Variants in NRXN1 observed in about 807,000 individuals in gnomAD.
NRXN1 encodes the protein neurexin 1, also known as neurexin-1.
NRXN1 carries 39 observed loss-of-function variants against 150.9 expected under a neutral mutation model. The ratio of observed to expected loss-of-function variants is 0.26; its 90% CI spans 0.20 to 0.34. The LOEUF (loss-of-function observed/expected upper bound fraction) is 0.34, where lower values mean the gene tolerates loss of function less well. NRXN1 is among the 10% of genes least tolerant of loss of function. The pLI, the probability that NRXN1 is intolerant of heterozygous loss-of-function variation, is 1.00. For missense variants in NRXN1, 1,815 were observed against 1,949.9 expected (o/e 0.93, Z 1.30); for synonymous variants, 924 against 757.0 (o/e 1.22, Z -3.62).
At chr2:50,169,461 T>C (rs2059889839) in intron 18 of NRXN1, among the ~76,000 whole-genome samples, 2 of 152,002 alleles carry the variant, frequency 1.3e-5, no homozygotes, top group Non-Finnish European at 1.5e-5. Flanking sequence ...ATGCTAGTAA[T>C]CCCAGCACTT....
chr2:50,226,684 C>T (rs140615265), intron 18 of NRXN1, among the ~76,000 whole-genome samples: 1 of 152,022 alleles, frequency 6.6e-6, no homozygotes, highest in African/African-American at 2.4e-5. Context: ...TTGCAGTAGA[C>T]CACTGGTTCT....
intron 22 of NRXN1, among the ~76,000 whole-genome samples, chr2:49,932,283 T>C (rs539317609): frequency 2.6e-5 from 4 of 152,132 alleles, no homozygotes; most frequent in African/African-American, 9.6e-5. Context: ...TAGCCTGGCA[T>C]GGTGGCGCAT....
At chr2:49,949,927 G>A (rs1673625083) in intron 21 of NRXN1, among the ~76,000 whole-genome samples, 1 of 151,532 alleles carries the variant, frequency 6.6e-6, no homozygotes, top group Non-Finnish European at 1.5e-5. Flanking sequence ...TCTCAAGTGT[G>A]GTTTTCATGA....
intron 22 of NRXN1, among the ~76,000 whole-genome samples, chr2:49,942,151 T>A (rs1260117096): frequency 6.6e-6 from 1 of 152,088 alleles, no homozygotes; most frequent in Non-Finnish European, 1.5e-5. Flanking sequence ...GAGAATGGAA[T>A]GGATGATCGT....
chr2:50,989,992 A>AG (rs1698306025), intron 2 of NRXN1, among the ~76,000 whole-genome samples: 1 of 151,878 alleles, frequency 6.6e-6, no homozygotes, highest in Middle Eastern at 3.2e-3. Flanking sequence ...TGATATTGTC[A>AG]TTTTTTTAAA....
At chr2:50,028,285 C>G (rs879094669) in intron 21 of NRXN1, among the ~76,000 whole-genome samples, 2 of 152,126 alleles carry the variant, frequency 1.3e-5, no homozygotes, top group Admixed American at 1.3e-4. Context: ...ATTGGGTGCA[C>G]ATTTCTTCTT....
At chr2:50,696,667 A>G (rs1023132166) in intron 5 of NRXN1, among the ~76,000 whole-genome samples, 6 of 152,164 alleles carry the variant, frequency 3.9e-5, no homozygotes, top group African/African-American at 1.4e-4. Flanking sequence ...CAGCAAGCAC[A>G]CCCATTAAAA....
In NRXN1 at chr2:50,053,513, G is replaced by T; in HGVS notation, c.3886C>A (p.Gln1296Lys). Reference protein sequence around the residue: ...GKEQGQPFQGQLSGLYYNGLK... With the variant: ...GKEQGQPFQGKLSGLYYNGLK... The stretch of plus-strand genomic sequence containing the variant: ...CCATTGTAGTACAGCCCAGAGAGCT[G>T]GCCCTGGAAGGGCTGGCCCTGCTCT... The change falls in exon 21 of 23, where the codon CAG becomes AAG. Residue 1296 changes from glutamine (Q) to lysine (K), a missense_variant. By Grantham distance (53) the Gln-to-Lys change is moderately conservative. Transcript: ENST00000401669. 6.2e-7 allele frequency: 1 copy of T among 1,614,064 alleles called. No individual in the cohort carries two copies. The highest frequency in any genetic ancestry group is 8.5e-7 in the Non-Finnish European group (1 of 1,179,950).
intron 5 of NRXN1, among the ~76,000 whole-genome samples, chr2:50,780,911 C>T (rs1473815360): frequency 1.3e-5 from 2 of 152,164 alleles, no homozygotes; most frequent in African/African-American, 4.8e-5. Context: ...TACACTAGGA[C>T]ACATTCTTAG....
intron 17 of NRXN1, among the ~76,000 whole-genome samples, chr2:50,382,708 TG>T (rs2103691091): frequency 6.6e-6 from 1 of 152,314 alleles, no homozygotes; most frequent in South Asian, 2.1e-4. Context: ...ACGTATCATC[TG>T]AAGTTCCCCA....
intron 18 of NRXN1, among the ~76,000 whole-genome samples, chr2:50,224,308 T>C (rs2064152248): frequency 1.3e-5 from 2 of 152,114 alleles, no homozygotes; most frequent in Non-Finnish European, 2.9e-5. Flanking sequence ...TTTTGGTCAA[T>C]TTATTTATAA....
At chr2:50,550,125 C>T (rs1667221858) in intron 9 of NRXN1, among the ~76,000 whole-genome samples, 1 of 152,036 alleles carries the variant, frequency 6.6e-6, no homozygotes, top group East Asian at 1.9e-4. Flanking sequence ...TAGAAAATTC[C>T]TCATTTCTAA....
At chr2:50,225,155 G>A (rs1170941593) in intron 18 of NRXN1, among the ~76,000 whole-genome samples, 1 of 151,964 alleles carries the variant, frequency 6.6e-6, no homozygotes, top group East Asian at 1.9e-4. Context: ...GTGCTTTCAC[G>A]ATTATCCTTT....
chr2:50,443,000 C>T (rs1572988998), intron 17 of NRXN1, among the ~76,000 whole-genome samples: 1 of 152,082 alleles, frequency 6.6e-6, no homozygotes, highest in African/African-American at 2.4e-5. Context: ...CATGCTTTCA[C>T]GGGAGCCAGA....
intron 17 of NRXN1, among the ~76,000 whole-genome samples, chr2:50,259,139 A>G (rs908934657): frequency 4.6e-5 from 7 of 151,966 alleles, no homozygotes; most frequent in Non-Finnish European, 5.9e-5. Context: ...ACCTCTGAAA[A>G]CAGGCATTGA....
intron 19 of NRXN1, among the ~76,000 whole-genome samples, chr2:50,070,993 C>G (rs1354955718): frequency 1.3e-5 from 2 of 152,156 alleles, no homozygotes; most frequent in African/African-American, 4.8e-5. Flanking sequence ...AAATGCAGAA[C>G]AGAATGAAGA....
At chr2:50,029,177 TAA>T (rs898934190) in intron 21 of NRXN1, among the ~76,000 whole-genome samples, 1 of 152,190 alleles carries the variant, frequency 6.6e-6, no homozygotes, top group African/African-American at 2.4e-5. Context: ...ACAACACAGC[TAA>T]AAGACAGCTA....
At chr2:51,007,657 A>G (rs1462601363) in intron 2 of NRXN1, among the ~76,000 whole-genome samples, 2 of 152,018 alleles carry the variant, frequency 1.3e-5, no homozygotes, top group East Asian at 3.9e-4. Context: ...GGTTAAATAC[A>G]CATTTTTATG....
intron 15 of NRXN1, among the ~76,000 whole-genome samples, chr2:50,493,754 C>T (rs1181661916): frequency 1.3e-5 from 2 of 152,176 alleles, no homozygotes; most frequent in East Asian, 3.9e-4. Flanking sequence ...GAAACTTGCT[C>T]TTACTTTTCT....
Sources: allele counts gnomAD v4.1 joint callset (sites outside exome capture counted in the v4.1 genomes callset), GRCh38; gene constraint gnomAD v4.1.1; transcripts MANE v1.5; gene names NCBI Gene and HGNC (gene_info 2026-07-23, HGNC 2026-07-21).